KIAA1217: variants seen among roughly 807,000 people sequenced by gnomAD.
KIAA1217 encodes the protein KIAA1217, also known as sickle tail protein homolog.
KIAA1217 carries 88 observed loss-of-function variants against 163.9 expected under a neutral mutation model. That is an observed-to-expected ratio of 0.54 (90% confidence interval 0.45 to 0.64). The LOEUF (loss-of-function observed/expected upper bound fraction) is 0.64. Ranked by LOEUF, KIAA1217 falls within the 30% of genes least tolerant of loss-of-function variation. The pLI, the probability that KIAA1217 is intolerant of heterozygous loss-of-function variation, is 0.00. For missense variants in KIAA1217, 2,372 were observed against 2,475.0 expected, an observed-to-expected ratio of 0.96 and a Z score of 0.88; for synonymous variants, 903 against 923.1, an observed-to-expected ratio of 0.98 and a Z score of 0.39.
chr10:24,410,992 CT>C (rs1398975634), intron 3 of KIAA1217, among the ~76,000 whole-genome samples: 3 of 152,130 alleles, frequency 2.0e-5, no homozygotes, highest in Non-Finnish European at 4.4e-5. Flanking sequence ...GTGTTATGTT[CT>C]TTTTTTCCTC....
At chr10:24,457,396 C>T (rs2061917281) in intron 5 of KIAA1217, among the ~76,000 whole-genome samples, 1 of 144,040 alleles carries the variant, frequency 6.9e-6, no homozygotes, top group South Asian at 2.1e-4. Context: ...TTGGGGGGAA[C>T]AGGATCGTAT....
At chr10:24,281,275 C>T (rs761732802) in intron 2 of KIAA1217, among the ~76,000 whole-genome samples, 68 of 152,050 alleles carry the variant, frequency 4.5e-4, no homozygotes, top group Admixed American at 2.6e-4. Flanking sequence ...TTTTTGCCAT[C>T]GTTTTTACCT....
At chr10:24,432,476 G>A (rs1343837287) in intron 3 of KIAA1217, among the ~76,000 whole-genome samples, 1 of 151,932 alleles carries the variant, frequency 6.6e-6, no homozygotes, top group Non-Finnish European at 1.5e-5. Context: ...TTGTTTTTGA[G>A]TCAGGGTCTC....
chr10:23,806,061 G>A (rs1836728079), intron 1 of KIAA1217, among the ~76,000 whole-genome samples: 1 of 138,512 alleles, frequency 7.2e-6, no homozygotes, highest in Non-Finnish European at 1.6e-5. Flanking sequence ...GTATGAATTT[G>A]ATGTCATCAA....
intron 1 of KIAA1217, among the ~76,000 whole-genome samples, chr10:23,872,385 A>G (rs1486521591): frequency 6.6e-6 from 1 of 152,060 alleles, no homozygotes; most frequent in Non-Finnish European, 1.5e-5. Flanking sequence ...AAGTTCACTC[A>G]CAGCTTCTAG....
intron 2 of KIAA1217, among the ~76,000 whole-genome samples, chr10:24,123,669 C>T (rs1306752223): frequency 6.6e-6 from 1 of 152,056 alleles, no homozygotes; most frequent in African/African-American, 2.4e-5. Flanking sequence ...TGCTTAAGTC[C>T]CACCCCAGAC....
rs1308677978 is a variant in KIAA1217, at chr10:24,543,293, C to T, written c.4023C>T (p.Ile1341=). The T allele has an allele frequency of 6.2e-7, 1 of 1,614,072 alleles. No homozygotes were observed. The highest frequency in any genetic ancestry group is 8.5e-7 in the Non-Finnish European group (1 of 1,180,024). ...HDFKTEDQEV[I]TTDFGQVVLR... is the part of the protein sequence containing the mutation. ...TTAAAACAGAAGATCAAGAGGTTAT[C>T]ACGACAGATTTTGGCCAAGTTGTTC... Residue 1341 remains isoleucine, a synonymous_variant, in exon 19 of 21, where the codon ATC becomes ATT. Transcript: ENST00000376454.
At chr10:24,396,191 G>T (rs1159728736) in intron 3 of KIAA1217, among the ~76,000 whole-genome samples, 1 of 152,018 alleles carries the variant, frequency 6.6e-6, no homozygotes, top group Admixed American at 6.6e-5. Flanking sequence ...ACAAAAATTA[G>T]ACAGGTGTGG....
At chr10:23,769,953 G>T (rs1273656804) in intron 1 of KIAA1217, among the ~76,000 whole-genome samples, 2 of 152,218 alleles carry the variant, frequency 1.3e-5, no homozygotes, top group Non-Finnish European at 2.9e-5. Flanking sequence ...TGGGGACTCA[G>T]TTCCCTTTTA....
At chr10:23,708,397 A>T (rs1837026365) in intron 1 of KIAA1217, among the ~76,000 whole-genome samples, 1 of 152,124 alleles carries the variant, frequency 6.6e-6, no homozygotes, top group South Asian at 2.1e-4. Flanking sequence ...CCAATCCCCT[A>T]ATTTTACAGG....
chr10:24,419,342 CA>C (rs1264864332), intron 3 of KIAA1217, among the ~76,000 whole-genome samples: 5 of 152,030 alleles, frequency 3.3e-5, no homozygotes, highest in South Asian at 4.2e-4. Flanking sequence ...TCTCTTTTGT[CA>C]CTTTTAAAAT....
chr10:24,487,703 A>T lies in KIAA1217; in HGVS notation c.1680-6797A>T, dbSNP rs1475292768. On this transcript the variant is annotated intron_variant, in intron 6 of 20. Transcript: ENST00000376454. ...TCTTCCTGCACTGTAAGTGAAATGCAGAACATTTTAGATGAGCCCCTTTGT... is the reference window on the plus strand; with the variant it reads ...TCTTCCTGCACTGTAAGTGAAATGCTGAACATTTTAGATGAGCCCCTTTGT... 3.1e-4 allele frequency among the ~76,000 whole-genome samples: 47 copies of T among 152,222 alleles called. 1 individual carries two copies. Among genetic ancestry groups the T allele is most frequent in the Non-Finnish European group, 1.5e-5 (1 of 68,044 alleles).
At chr10:24,113,577 A>G (rs1049583749) in intron 2 of KIAA1217, among the ~76,000 whole-genome samples, 1 of 152,202 alleles carries the variant, frequency 6.6e-6, no homozygotes, top group African/African-American at 2.4e-5. Flanking sequence ...TGGAAAGGCT[A>G]GAAGATCAGG....
At chr10:23,847,768 T>A (rs966142925) in intron 1 of KIAA1217, among the ~76,000 whole-genome samples, 1 of 152,090 alleles carries the variant, frequency 6.6e-6, no homozygotes, top group African/African-American at 2.4e-5. Context: ...GTTTTTGAAT[T>A]TGTTTGCTCT....
chr10:24,411,452 G>A (rs1363516946), intron 3 of KIAA1217, among the ~76,000 whole-genome samples: 1 of 152,064 alleles, frequency 6.6e-6, no homozygotes, highest in African/African-American at 2.4e-5. Flanking sequence ...CCCTTTTATT[G>A]TACTTACATT....
At chr10:24,221,777 G>A (rs554162494) in intron 2 of KIAA1217, among the ~76,000 whole-genome samples, 3 of 152,310 alleles carry the variant, frequency 2.0e-5, no homozygotes, top group East Asian at 3.9e-4. Context: ...GTTCATGCCT[G>A]TAATCCCAAC....
intron 1 of KIAA1217, among the ~76,000 whole-genome samples, chr10:23,829,468 A>T (rs577929199): frequency 2.6e-5 from 4 of 152,212 alleles, no homozygotes; most frequent in East Asian, 3.8e-4. Flanking sequence ...AACTGCAGAA[A>T]CAAAATCCCT....
chr10:24,171,575 C>T (rs1320509689), intron 2 of KIAA1217, among the ~76,000 whole-genome samples: 3 of 152,122 alleles, frequency 2.0e-5, no homozygotes, highest in Non-Finnish European at 2.9e-5. Context: ...GAGGCTGAGG[C>T]GGATGGATCA....
At chr10:24,423,470 G>GT (rs200966968) in intron 3 of KIAA1217, among the ~76,000 whole-genome samples, 3 of 148,130 alleles carry the variant, frequency 2.0e-5, no homozygotes, top group Non-Finnish European at 3.0e-5. Context: ...TTTTTGTTTT[G>GT]TTTTTTTGAG....
Sources: gnomAD v4.1 joint callset for allele counts (sites outside exome capture counted in the v4.1 genomes callset) on GRCh38, gnomAD v4.1.1 for gene constraint, MANE v1.5 for transcripts, NCBI Gene and HGNC (gene_info 2026-07-23, HGNC 2026-07-21) for gene names.